Variants in CD86 observed in about 807,000 individuals in gnomAD.
CD86 encodes the protein T-lymphocyte activation antigen CD86.
Under a neutral mutation model 32.1 loss-of-function variants are expected in CD86, and 11 were observed. That is an observed-to-expected ratio of 0.34 (90% confidence interval 0.22 to 0.57). The LOEUF (loss-of-function observed/expected upper bound fraction) is 0.57. CD86 is among the 20% of genes least tolerant of loss of function. CD86 has a pLI of 0.86. For synonymous variants in CD86, 137 were observed against 135.3 expected (o/e 1.01, Z -0.09); for missense variants, 359 against 398.4 (o/e 0.90, Z 0.84).
chr3:122,103,417 A>G, intron 2 of CD86, 95 bp from the exon 3 acceptor site: 1 of 765,374 alleles, frequency 1.3e-6, no homozygotes. Context: ...ATGATTACTG[A>G]TAAGATAGTA....
Position 122,091,644 on chromosome 3 carries a change from C to T in CD86, c.58C>T (p.Leu20Phe), listed in dbSNP as rs1160693622. 3.1e-6 allele frequency: 5 copies of T among 1,612,614 alleles called. No homozygotes were observed. Among genetic ancestry groups the T allele is most frequent in the Non-Finnish European group, 4.2e-6 (5 of 1,178,710 alleles). The change falls in exon 2 of 7, where the codon CTC (leucine) becomes TTC (phenylalanine). Residue 20 changes from leucine to phenylalanine, a missense_variant. Transcript: ENST00000330540. ...CATTCTCTTTGTGATGGCCTTCCTG[C>T]TCTCTGGTAAGAACCTTTCAGCTTT... is the stretch of plus-strand genomic sequence containing the variant. ...SNILFVMAFLLSGAAPLKIQA... is the reference protein window; with the variant it reads ...SNILFVMAFLFSGAAPLKIQA...
At chr3:122,068,900 C>T (rs2072450698) in intron 1 of CD86, among the ~76,000 whole-genome samples, 1 of 152,174 alleles carries the variant, frequency 6.6e-6, no homozygotes, top group Non-Finnish European at 1.5e-5. Flanking sequence ...TTATCCATGA[C>T]AAATGTTTAT....
At chr3:122,116,058 A>T (rs1342803603) in intron 5 of CD86, among the ~76,000 whole-genome samples, 1 of 152,166 alleles carries the variant, frequency 6.6e-6, no homozygotes, top group Admixed American at 6.5e-5. Flanking sequence ...CCAAAAGAAA[A>T]CAGAGGAGAA....
At chr3:122,096,659 G>T (rs1238256754) in intron 2 of CD86, among the ~76,000 whole-genome samples, 1 of 152,138 alleles carries the variant, frequency 6.6e-6, no homozygotes, top group Non-Finnish European at 1.5e-5. Context: ...TATTGTTCCT[G>T]CTTTTTGCAA....
intron 1 of CD86, among the ~76,000 whole-genome samples, chr3:122,066,724 G>A (rs1310464891): frequency 6.6e-6 from 1 of 152,126 alleles, no homozygotes; most frequent in Non-Finnish European, 1.5e-5. Context: ...ACTTAACTGA[G>A]CCTCCACCCT....
At chr3:122,092,709 G>GCCACCC (rs2072844801) in intron 2 of CD86, among the ~76,000 whole-genome samples, 1 of 152,128 alleles carries the variant, frequency 6.6e-6, no homozygotes, top group Admixed American at 6.5e-5. Flanking sequence ...TGAGAGGGAA[G>GCCACCC]CCACCCCACT....
chr3:122,109,801 A>G (rs1268114068), intron 5 of CD86, among the ~76,000 whole-genome samples: 1 of 152,232 alleles, frequency 6.6e-6, no homozygotes, highest in African/African-American at 2.4e-5. Context: ...AAATGACCAC[A>G]AGAATCAGCT....
chr3:122,074,495 T>A (rs1483230363), intron 1 of CD86, among the ~76,000 whole-genome samples: 1 of 152,220 alleles, frequency 6.6e-6, no homozygotes, highest in Non-Finnish European at 1.5e-5. Context: ...TGGAAACTAT[T>A]CTGTATTAGA....
intron 2 of CD86, among the ~76,000 whole-genome samples, chr3:122,101,622 T>C (rs1047767054): frequency 1.3e-5 from 2 of 149,552 alleles, no homozygotes; most frequent in African/African-American, 5.0e-5. Context: ...AGTAATAACA[T>C]AACATTGACT....
intron 5 of CD86, among the ~76,000 whole-genome samples, chr3:122,109,736 A>G (rs1030556189): frequency 2.0e-5 from 3 of 152,276 alleles, no homozygotes; most frequent in African/African-American, 7.2e-5. Flanking sequence ...TGGTGAAACC[A>G]CTCCTAAATG....
intron 2 of CD86, 88 bp from the exon 3 acceptor site, chr3:122,103,424 A>G: frequency 5.1e-6 from 4 of 788,482 alleles, no homozygotes; most frequent in Non-Finnish European, 8.3e-6. Flanking sequence ...CTGATAAGAT[A>G]GTATCTGGGT....
chr3:122,088,641 C>G (rs1576771879), intron 1 of CD86, among the ~76,000 whole-genome samples: 1 of 152,180 alleles, frequency 6.6e-6, no homozygotes, highest in Non-Finnish European at 1.5e-5. Flanking sequence ...AAATCACCAA[C>G]AGCAACCTAC....
At chr3:122,115,298 C>G (rs1325010902) in intron 5 of CD86, among the ~76,000 whole-genome samples, 2 of 151,928 alleles carry the variant, frequency 1.3e-5, no homozygotes, top group Admixed American at 1.3e-4. Context: ...ATAAATTTAA[C>G]AAAACAAGTA....
intron 2 of CD86, among the ~76,000 whole-genome samples, chr3:122,093,875 T>A (rs1209929532): frequency 6.6e-6 from 1 of 152,246 alleles, no homozygotes. Flanking sequence ...ACAGAGCTAC[T>A]AAGTGGCAGA....
At chr3:122,102,409 T>TC in intron 2 of CD86, among the ~76,000 whole-genome samples, 2 of 133,758 alleles carry the variant, frequency 1.5e-5, no homozygotes, top group Non-Finnish European at 3.2e-5. Context: ...CTGCTTACTT[T>TC]TTTTTTTTTT....
intron 1 of CD86, among the ~76,000 whole-genome samples, chr3:122,055,752 A>G (rs1416194954): frequency 6.6e-6 from 1 of 152,228 alleles, no homozygotes; most frequent in African/African-American, 2.4e-5. Context: ...TTATTCAAAT[A>G]CTGAATGTTA....
intron 2 of CD86, among the ~76,000 whole-genome samples, chr3:122,101,793 GAA>G (rs1022796524): frequency 7.9e-5 from 12 of 152,012 alleles, no homozygotes; most frequent in African/African-American, 2.9e-4. Context: ...GCTCAGCAAA[GAA>G]GATGCAGAAG....
At chr3:122,099,767 T>C (rs2072967664) in intron 2 of CD86, among the ~76,000 whole-genome samples, 1 of 152,216 alleles carries the variant, frequency 6.6e-6, no homozygotes, top group Non-Finnish European at 1.5e-5. Context: ...AGATTAAAAA[T>C]TCATCTTCTC....
At chr3:122,099,529 G>A (rs1043124826) in intron 2 of CD86, among the ~76,000 whole-genome samples, 5 of 152,184 alleles carry the variant, frequency 3.3e-5, no homozygotes, top group African/African-American at 7.2e-5. Flanking sequence ...TCACCAGTCC[G>A]CACAACTGAA....
Sources: gnomAD v4.1 joint callset for allele counts (sites outside exome capture counted in the v4.1 genomes callset) on GRCh38, gnomAD v4.1.1 for gene constraint, MANE v1.5 for transcripts, NCBI Gene and HGNC (gene_info 2026-07-23, HGNC 2026-07-21) for gene names.